KLHL1: variants seen among roughly 807,000 people sequenced by gnomAD.
The protein encoded by KLHL1 is kelch-like protein 1.
Under a neutral mutation model 77.7 loss-of-function variants are expected in KLHL1, and 47 were observed. The ratio of observed to expected loss-of-function variants is 0.60; its 90% CI spans 0.48 to 0.77. The LOEUF (loss-of-function observed/expected upper bound fraction) is 0.77. Among genes scored for constraint, KLHL1 ranks in the 30% least tolerant of loss-of-function variants. The pLI is 0.00. For synonymous variants in KLHL1, 360 were observed against 325.2 expected, an observed-to-expected ratio of 1.11 and a Z score of -1.15; for missense variants, 925 against 910.8, an observed-to-expected ratio of 1.02 and a Z score of -0.20.
intron 7 of KLHL1, among the ~76,000 whole-genome samples, chr13:69,788,770 AC>A: frequency 1.3e-5 from 2 of 152,264 alleles, no homozygotes; most frequent in African/African-American, 4.8e-5. Flanking sequence ...AGCTCCAGGT[AC>A]ACAGAAGTGA....
intron 4 of KLHL1, among the ~76,000 whole-genome samples, chr13:69,908,366 G>C (rs552506619): frequency 6.6e-6 from 1 of 151,574 alleles, no homozygotes; most frequent in Non-Finnish European, 1.5e-5. Flanking sequence ...ATTTATGTTT[G>C]AATACAATAA....
intron 4 of KLHL1, among the ~76,000 whole-genome samples, chr13:69,922,484 A>G (rs1882675807): frequency 6.6e-6 from 1 of 152,198 alleles, no homozygotes; most frequent in Non-Finnish European, 1.5e-5. Context: ...AATAGCTTAT[A>G]CTTATTATGT....
At chr13:70,050,433 G>C (rs1215370482) in intron 1 of KLHL1, among the ~76,000 whole-genome samples, 3 of 151,312 alleles carry the variant, frequency 2.0e-5, no homozygotes, top group Non-Finnish European at 3.0e-5. Flanking sequence ...AAAAAAAAAG[G>C]GAGCTGAGGT....
intron 5 of KLHL1, among the ~76,000 whole-genome samples, chr13:69,854,597 T>C (rs1399864086): frequency 2.0e-5 from 3 of 152,038 alleles, no homozygotes; most frequent in East Asian, 3.9e-4. Flanking sequence ...ACTGCAGTAA[T>C]TAGATAAACA....
chr13:69,755,851 A>G (rs1186140991), intron 7 of KLHL1, among the ~76,000 whole-genome samples: 1 of 152,166 alleles, frequency 6.6e-6, no homozygotes, highest in East Asian at 1.9e-4. Flanking sequence ...GGTAGTGGAA[A>G]AATCATACGT....
chr13:69,908,928 T>C (rs1344747395), intron 4 of KLHL1, among the ~76,000 whole-genome samples: 1 of 149,968 alleles, frequency 6.7e-6, no homozygotes, highest in African/African-American at 2.4e-5. Context: ...AAATATTCTA[T>C]AATACTAATT....
chr13:69,777,640 T>C (rs1875899368), intron 7 of KLHL1, among the ~76,000 whole-genome samples: 1 of 152,204 alleles, frequency 6.6e-6, no homozygotes. Flanking sequence ...GGCTGAAATG[T>C]AATTTTTCCT....
chr13:69,816,867 A>G (rs1293663888), intron 6 of KLHL1, among the ~76,000 whole-genome samples: 1 of 152,172 alleles, frequency 6.6e-6, no homozygotes, highest in Admixed American at 6.6e-5. Flanking sequence ...CTGAGGCAGC[A>G]GAATCACCTG....
chr13:70,032,000 A>G (rs1262369542), intron 1 of KLHL1, among the ~76,000 whole-genome samples: 1 of 152,178 alleles, frequency 6.6e-6, no homozygotes, highest in Non-Finnish European at 1.5e-5. Flanking sequence ...CCTGGGGGTG[A>G]ATCCTGATTA....
chr13:70,012,452 T>C (rs952386326), intron 1 of KLHL1, among the ~76,000 whole-genome samples: 1 of 152,138 alleles, frequency 6.6e-6, no homozygotes, highest in Non-Finnish European at 1.5e-5. Flanking sequence ...GTAGCTTTTG[T>C]CTGAGGAACC....
At chr13:69,766,739 C>G (rs1012274830) in intron 7 of KLHL1, among the ~76,000 whole-genome samples, 3 of 152,024 alleles carry the variant, frequency 2.0e-5, no homozygotes, top group Non-Finnish European at 4.4e-5. Context: ...ATTAGATTCT[C>G]TTAATGATAT....
intron 9 of KLHL1, among the ~76,000 whole-genome samples, chr13:69,717,676 G>C (rs1872831005): frequency 6.6e-6 from 1 of 152,094 alleles, no homozygotes; most frequent in African/African-American, 2.4e-5. Context: ...GTAAAAGTAG[G>C]AGGCTCATCA....
chr13:70,011,889 T>C (rs1593672379), intron 1 of KLHL1, among the ~76,000 whole-genome samples: 1 of 152,188 alleles, frequency 6.6e-6, no homozygotes. Context: ...AGATGTTTAA[T>C]GGACTTAAGA....
At chr13:70,056,293 A>G (rs937294754) in intron 1 of KLHL1, among the ~76,000 whole-genome samples, 17 of 152,106 alleles carry the variant, frequency 1.1e-4, no homozygotes, top group African/African-American at 4.1e-4. Flanking sequence ...GGAGATAACA[A>G]TTGTAAATAT....
chr13:69,808,094 G>A (rs1335674600), intron 6 of KLHL1, among the ~76,000 whole-genome samples: 1 of 152,012 alleles, frequency 6.6e-6, no homozygotes, highest in Non-Finnish European at 1.5e-5. Flanking sequence ...CAACACCACT[G>A]AAGCCCAGGA....
intron 7 of KLHL1, among the ~76,000 whole-genome samples, chr13:69,782,192 T>A (rs1205814389): frequency 2.0e-5 from 3 of 152,220 alleles, no homozygotes. Context: ...GGAGTCAAGA[T>A]GGCCGAACAG....
chr13:70,103,131 C>G (rs1029839194), intron 1 of KLHL1, among the ~76,000 whole-genome samples: 2 of 152,126 alleles, frequency 1.3e-5, no homozygotes, highest in Non-Finnish European at 2.9e-5. Context: ...CACGTTTATG[C>G]ATGACATCTC....
intron 8 of KLHL1, among the ~76,000 whole-genome samples, chr13:69,732,833 AGCACTGGGTCCC>A (rs1873608300): frequency 6.6e-6 from 1 of 152,046 alleles, no homozygotes; most frequent in South Asian, 2.1e-4. Context: ...TTCTTCTCAG[AGCACTGGGTCCC>A]AGGTCTTTCC....
chr13:70,008,430 A>T (rs1471565691), intron 1 of KLHL1, among the ~76,000 whole-genome samples: 1 of 152,070 alleles, frequency 6.6e-6, no homozygotes, highest in Non-Finnish European at 1.5e-5. Flanking sequence ...GTGTGTATGT[A>T]TCTATCTACT....
Sources: allele counts gnomAD v4.1 joint callset (sites outside exome capture counted in the v4.1 genomes callset), GRCh38; gene constraint gnomAD v4.1.1; transcripts MANE v1.5; gene names NCBI Gene and HGNC (gene_info 2026-07-23, HGNC 2026-07-21).